DGKG: variants seen among roughly 807,000 people sequenced by gnomAD.
The protein encoded by DGKG is DAG kinase gamma.
DGKG carries 78 observed loss-of-function variants against 105.3 expected under a neutral mutation model. That is an observed-to-expected ratio of 0.74 (90% CI 0.62 to 0.89). The LOEUF (loss-of-function observed/expected upper bound fraction) is 0.89. DGKG is among the 40% of genes least tolerant of loss of function. The pLI is 0.00. For missense variants in DGKG, 958 were observed against 1,020.1 expected (o/e 0.94, Z 0.83); for synonymous variants, 346 against 367.1 (o/e 0.94, Z 0.66).
chr3:186,208,881 C>A (rs1718878961), intron 21 of DGKG, among the ~76,000 whole-genome samples: 1 of 152,190 alleles, frequency 6.6e-6, no homozygotes. Context: ...AAGCTAAATT[C>A]ACTCTAAAAG....
intron 20 of DGKG, among the ~76,000 whole-genome samples, chr3:186,215,403 C>T (rs1484108330): frequency 1.4e-5 from 2 of 145,870 alleles, no homozygotes; most frequent in East Asian, 4.0e-4. Context: ...AGAGTGAGAC[C>T]CCCATCTCCA....
chr3:186,301,923 A>T (rs1288212626), intron 3 of DGKG, among the ~76,000 whole-genome samples: 1 of 152,014 alleles, frequency 6.6e-6, no homozygotes, highest in East Asian at 1.9e-4. Flanking sequence ...ATTATTCCCC[A>T]TGTGCGTGTA....
chr3:186,240,175 C>T (rs1278471741), intron 20 of DGKG, among the ~76,000 whole-genome samples: 2 of 152,162 alleles, frequency 1.3e-5, no homozygotes. Context: ...CGTACATTTG[C>T]TTCCTTCTCC....
intron 3 of DGKG, among the ~76,000 whole-genome samples, chr3:186,305,010 T>C (rs747113178): frequency 1.2e-4 from 19 of 152,306 alleles, no homozygotes; most frequent in Non-Finnish European, 2.5e-4. Flanking sequence ...AATTTGAAAG[T>C]AGGGGGAGAT....
chr3:186,263,614 C>T (rs1305260919), intron 14 of DGKG, among the ~76,000 whole-genome samples: 4 of 151,774 alleles, frequency 2.6e-5, no homozygotes, highest in Non-Finnish European at 5.9e-5. Flanking sequence ...AACAAACGCA[C>T]CATGTACTAT....
intron 2 of DGKG, among the ~76,000 whole-genome samples, chr3:186,313,741 G>T (rs1474810973): frequency 6.6e-6 from 1 of 152,174 alleles, no homozygotes; most frequent in Non-Finnish European, 1.5e-5. Context: ...CCTATCCGTA[G>T]ATTCTGTGAC....
At position 186,180,437 on chromosome 3, in the gene DGKG, T is replaced by G. The variant is rs141275401; in HGVS notation, c.2095+7765A>C. Among the ~76,000 whole-genome samples, 791 of 152,288 alleles carry G rather than the reference T, an allele frequency of 5.2e-3. 3 individuals are homozygous for G. Among genetic ancestry groups the G allele is most frequent in the Non-Finnish European group, 8.2e-3 (556 of 68,020 alleles). On this transcript the variant is annotated intron_variant, in intron 22 of 24. Coordinates refer to ENST00000265022, the MANE Select transcript of DGKG (RefSeq NM_001346.3). ...TCCCCAGAGCTAAGAAGAGTCCCAG[T>G]GCACACACCCATAGTACTTCTGGGG...
chr3:186,340,390 G>A (rs1201472197), intron 1 of DGKG, among the ~76,000 whole-genome samples: 1 of 152,164 alleles, frequency 6.6e-6, no homozygotes, highest in Non-Finnish European at 1.5e-5. Context: ...TTAGTCATTT[G>A]GCTGAATGTG....
intron 23 of DGKG, among the ~76,000 whole-genome samples, chr3:186,163,626 A>G (rs1019908064): frequency 2.6e-5 from 4 of 152,122 alleles, no homozygotes; most frequent in African/African-American, 9.7e-5. Flanking sequence ...TTGGCTCTTG[A>G]GGCTGGGGAT....
rs534247402 is a variant in DGKG at position 186,221,292 on chromosome 3, A to G, written c.1827-9407T>C. Among the ~76,000 whole-genome samples the G allele has an allele frequency of 4.6e-5, 7 of 152,276 alleles. No individual in the cohort carries two copies. The South Asian group carries it at 6.2e-4, about 14-fold the overall frequency. ...GCCTGGGTCTCCAGGGTGTTTTTCC[A>G]GTTAGTATCTGTCCTTGCCAAGAGA... is the stretch of plus-strand genomic sequence containing the variant. On this transcript the variant is annotated intron_variant, in intron 20 of 24. Coordinates refer to ENST00000265022, the MANE Select transcript of DGKG (RefSeq NM_001346.3).
At chr3:186,169,875 A>C (rs1335223960) in intron 22 of DGKG, among the ~76,000 whole-genome samples, 1 of 152,224 alleles carries the variant, frequency 6.6e-6, no homozygotes, top group African/African-American at 2.4e-5. Context: ...TTACTGTGCC[A>C]CAGGGTCTGG....
In DGKG at chr3:186,231,220, G is replaced by A. The variant is rs1031288227; in HGVS notation, c.1826+11284C>T. On this transcript the variant is annotated intron_variant, in intron 20 of 24. Transcript: ENST00000265022. This position sits in a 1 kb window ranked among gnomAD's most constrained non-coding sequence, Gnocchi z 4.5. ...TTGGATAACTTGTGGTTTTCTCATG[G>A]GCCCTTTAATCATATCTATGGCTCT... Among the ~76,000 whole-genome samples, 5 of 152,092 alleles carry A rather than the reference G, an allele frequency of 3.3e-5. No individual in the cohort carries two copies. In the East Asian group the frequency reaches 5.8e-4, roughly 18 times the overall value.
chr3:186,304,304 G>A (rs1206789889), intron 3 of DGKG, among the ~76,000 whole-genome samples: 8 of 152,224 alleles, frequency 5.3e-5, no homozygotes, highest in Non-Finnish European at 1.2e-4. Flanking sequence ...TCTCTGCATG[G>A]TTTCTCCTCA....
intron 21 of DGKG, 71 bp downstream of exon 21, chr3:186,211,724 T>A: frequency 8.8e-7 from 1 of 1,135,644 alleles, no homozygotes; most frequent in Admixed American, 1.7e-5. Flanking sequence ...AGAGGATACA[T>A]CCTGTGCATG....
intron 20 of DGKG, among the ~76,000 whole-genome samples, chr3:186,230,212 C>G (rs1008249360): frequency 6.6e-6 from 1 of 152,208 alleles, no homozygotes; most frequent in Non-Finnish European, 1.5e-5. Flanking sequence ...GAGCCGAGAT[C>G]ACGCCACTGC....
intron 6 of DGKG, among the ~76,000 whole-genome samples, chr3:186,286,779 A>C (rs1723090112): frequency 6.6e-6 from 1 of 152,188 alleles, no homozygotes; most frequent in Admixed American, 6.5e-5. Context: ...CACACCTGTA[A>C]TCCCAGCAAT....
In DGKG at chr3:186,180,362, G is replaced by A. The variant is rs184224113; in HGVS notation, c.2095+7840C>T. The stretch of plus-strand genomic sequence containing the variant: ...CTGTGAAAAGCAAAACAGCGTCTCC[G>A]TAGGCCTGCAAATGTTGAACGGGAA... On this transcript the variant is annotated intron_variant, in intron 22 of 24. Coordinates refer to ENST00000265022, the MANE Select transcript of DGKG (RefSeq NM_001346.3). Among the ~76,000 whole-genome samples the A allele has an allele frequency of 3.9e-5, 6 of 152,190 alleles. No individual in the cohort carries two copies. The East Asian group carries it at 9.7e-4, about 25-fold the overall frequency.
At chr3:186,290,296 G>A (rs757768689) in intron 5 of DGKG, among the ~76,000 whole-genome samples, 2 of 152,188 alleles carry the variant, frequency 1.3e-5, no homozygotes, top group Non-Finnish European at 2.9e-5. Context: ...AGGGGAGGTT[G>A]TAATAAAATT....
intron 1 of DGKG, among the ~76,000 whole-genome samples, chr3:186,324,617 A>G (rs1725247808): frequency 6.6e-6 from 1 of 152,188 alleles, no homozygotes; most frequent in Admixed American, 6.6e-5. Context: ...ACAAACATGA[A>G]AAAATGCTCA....
Sources: allele counts gnomAD v4.1 joint callset (sites outside exome capture counted in the v4.1 genomes callset), GRCh38; gene constraint gnomAD v4.1.1; non-coding constraint Gnocchi (gnomAD v3.1); transcripts MANE v1.5; gene names NCBI Gene and HGNC (gene_info 2026-07-23, HGNC 2026-07-21).